Variants in TRMT11 observed in about 807,000 individuals in gnomAD.
TRMT11 encodes tRNA (guanine(10)-N(2))-methyltransferase TRMT11.
In TRMT11, 53 loss-of-function variants were observed where a neutral mutation model predicts 62.8. That is an observed-to-expected ratio of 0.84 (90% CI 0.68 to 1.06). TRMT11 has a LOEUF of 1.06. Ranked by LOEUF, TRMT11 falls within the 50% of genes least tolerant of loss-of-function variation. The pLI, the probability that TRMT11 is intolerant of heterozygous loss-of-function variation, is 0.00. For missense variants in TRMT11, 556 were observed against 553.4 expected, an observed-to-expected ratio of 1.00 and a Z score of -0.05; for synonymous variants, 188 against 190.3, an observed-to-expected ratio of 0.99 and a Z score of 0.10.
intron 3 of TRMT11, among the ~76,000 whole-genome samples, chr6:126,201,790 A>C (rs1422264961): frequency 6.6e-6 from 1 of 150,670 alleles, no homozygotes. Flanking sequence ...TCTAATATTT[A>C]TTTTTCACCT....
chr6:126,020,565 T>C (rs890770191), intron 11 of TRMT11, among the ~76,000 whole-genome samples: 7 of 152,268 alleles, frequency 4.6e-5, no homozygotes, highest in African/African-American at 1.4e-4. Context: ...CTGGTTCATA[T>C]GACCAGAAGA....
chr6:125,999,905 G>A (rs1792191102), intron 7 of TRMT11, among the ~76,000 whole-genome samples: 2 of 152,102 alleles, frequency 1.3e-5, no homozygotes, highest in African/African-American at 4.8e-5. Context: ...TTGTAGAAAT[G>A]TTGTAAAGCT....
intron 21 of TRMT11, among the ~76,000 whole-genome samples, chr6:126,150,074 G>A (rs371753191): frequency 2.6e-5 from 4 of 152,092 alleles, no homozygotes; most frequent in African/African-American, 9.7e-5. Context: ...AAGTGAGTGG[G>A]TCAGAGCTCT....
intron 21 of TRMT11, among the ~76,000 whole-genome samples, chr6:126,131,509 A>C (rs887096028): frequency 6.6e-6 from 1 of 152,052 alleles, no homozygotes; most frequent in Non-Finnish European, 1.5e-5. Flanking sequence ...ATAAAGCTGC[A>C]GTTACACCAC....
the TRMT11 span, among the ~76,000 whole-genome samples, chr6:126,238,127 G>A: frequency 2.0e-5 from 3 of 152,092 alleles, no homozygotes; most frequent in Non-Finnish European, 4.4e-5. Context: ...CTTGCTAGCG[G>A]TCTATCAATT....
At chr6:126,248,512 A>C in the TRMT11 span, among the ~76,000 whole-genome samples, 1 of 152,084 alleles carries the variant, frequency 6.6e-6, no homozygotes, top group Non-Finnish European at 1.5e-5. Flanking sequence ...AGAAAAAAAA[A>C]CAAAGTCACC....
At chr6:126,092,939 G>T (rs1777293930) in intron 17 of TRMT11, among the ~76,000 whole-genome samples, 1 of 152,132 alleles carries the variant, frequency 6.6e-6, no homozygotes, top group African/African-American at 2.4e-5. Flanking sequence ...TAGAAACTGG[G>T]CAAGAATTCT....
chr6:126,032,910 G>A (rs1774477220), intron 12 of TRMT11, among the ~76,000 whole-genome samples: 1 of 152,120 alleles, frequency 6.6e-6, no homozygotes, highest in African/African-American at 2.4e-5. Flanking sequence ...GATAGTTATG[G>A]TAGCCAAAAG....
intron 17 of TRMT11, among the ~76,000 whole-genome samples, chr6:126,077,906 C>T (rs956255941): frequency 1.3e-5 from 2 of 152,124 alleles, no homozygotes; most frequent in African/African-American, 4.8e-5. Context: ...AGAGATCCTT[C>T]TGGGCTTTAA....
chr6:126,138,684 A>G (rs1258117151), intron 21 of TRMT11, among the ~76,000 whole-genome samples: 3 of 152,094 alleles, frequency 2.0e-5, no homozygotes, highest in Non-Finnish European at 4.4e-5. Flanking sequence ...AAAATGTACA[A>G]AAAGGAATCT....
At chr6:126,043,558 G>A (rs1775949186), downstream of TRMT11, among the ~76,000 whole-genome samples, 1 of 150,808 alleles carries the variant, frequency 6.6e-6, no homozygotes, top group African/African-American at 2.4e-5. Flanking sequence ...TAGTCCTTTG[G>A]GTATATACCC....
intron 17 of TRMT11, among the ~76,000 whole-genome samples, chr6:126,097,117 C>T (rs899216668): frequency 6.6e-6 from 1 of 152,020 alleles, no homozygotes; most frequent in African/African-American, 2.4e-5. Context: ...TATTTTCCCC[C>T]GAAATGTATG....
At chr6:126,003,240 G>A (rs1792808682) in intron 7 of TRMT11, among the ~76,000 whole-genome samples, 1 of 152,022 alleles carries the variant, frequency 6.6e-6, no homozygotes, top group Non-Finnish European at 1.5e-5. Flanking sequence ...ATACAAACTT[G>A]TAAAGTTTCT....
In TRMT11 at chr6:126,079,572, C is replaced by T. The variant is rs1777112519; in HGVS notation, c.*1437+26382C>T. ...GTTATTTTGTTTTAGTTTAGTAGTA[C>T]CTTAGGAGGAAGGCAAGGGCTGAAA... On this transcript the variant is annotated intron_variant and NMD_transcript_variant, in intron 17 of 22. Coordinates refer to the TRMT11 transcript ENST00000648977. Among the ~76,000 whole-genome samples the T allele has an allele frequency of 2.6e-5, 4 of 152,060 alleles. 1 individual carries two copies. The South Asian group carries it at 8.3e-4, about 32-fold the overall frequency.
At chr6:126,193,490 ATTTTTT>A (rs60064329) in intron 1 of TRMT11, among the ~76,000 whole-genome samples, 2 of 73,278 alleles carry the variant, frequency 2.7e-5, no homozygotes, top group African/African-American at 1.1e-4. Context: ...GCGTTTCTGT[ATTTTTT>A]TTTTTTTTTT....
At chr6:126,080,569 A>G (rs989285980) in intron 17 of TRMT11, among the ~76,000 whole-genome samples, 1 of 152,068 alleles carries the variant, frequency 6.6e-6, no homozygotes, top group Admixed American at 6.6e-5. Flanking sequence ...AATACTATAA[A>G]TCTTCATCCA....
At chr6:126,174,803 A>G (rs965934278), upstream of TRMT11, among the ~76,000 whole-genome samples, 2 of 152,150 alleles carry the variant, frequency 1.3e-5, no homozygotes, top group African/African-American at 4.8e-5. Flanking sequence ...TTCATGCTAT[A>G]ATTGTGCCTT....
At chr6:126,246,084 C>A in the TRMT11 span, among the ~76,000 whole-genome samples, 1 of 151,956 alleles carries the variant, frequency 6.6e-6, no homozygotes, top group African/African-American at 2.4e-5. Flanking sequence ...AGTTTGAGAC[C>A]AGCCTGGGCA....
At chr6:126,194,843 A>T (rs144069976) in intron 1 of TRMT11, among the ~76,000 whole-genome samples, 305 of 152,328 alleles carry the variant, frequency 2.0e-3, no homozygotes, top group Middle Eastern at 0.01. Context: ...GGTTGGGCAT[A>T]GTAGCTCATG....
Sources: allele counts gnomAD v4.1 joint callset (sites outside exome capture counted in the v4.1 genomes callset), GRCh38; gene constraint gnomAD v4.1.1; transcripts MANE v1.5; gene names NCBI Gene and HGNC (gene_info 2026-07-23, HGNC 2026-07-21).